The following NEBL variants were observed in gnomAD, a reference collection of about 807,000 sequenced individuals.
The protein encoded by NEBL is LIM and SH3 protein 2.
A neutral mutation model predicts 140.2 loss-of-function variants in NEBL; 122 were observed. That is an observed-to-expected ratio of 0.87 (90% CI 0.75 to 1.01). NEBL has a LOEUF of 1.01. Ranked by LOEUF, NEBL falls within the 50% of genes least tolerant of loss-of-function variation. NEBL has a pLI of 0.00. For synonymous variants in NEBL, 436 were observed against 398.9 expected, an observed-to-expected ratio of 1.09 and a Z score of -1.11; for missense variants, 1,365 against 1,231.3, an observed-to-expected ratio of 1.11 and a Z score of -1.62.
At chr10:21,050,520 G>T (rs1351380914) in intron 2 of NEBL, among the ~76,000 whole-genome samples, 1 of 152,176 alleles carries the variant, frequency 6.6e-6, no homozygotes, top group Non-Finnish European at 1.5e-5. Context: ...GCCTTTGTCT[G>T]CAAAGAAGCA....
chr10:20,869,015 G>A (rs1162832503), intron 6 of NEBL, among the ~76,000 whole-genome samples: 1 of 152,086 alleles, frequency 6.6e-6, no homozygotes, highest in East Asian at 1.9e-4. Context: ...CATCATGTTT[G>A]TAATTATATA....
chr10:21,062,350 C>T (rs981334059), intron 2 of NEBL, among the ~76,000 whole-genome samples: 1 of 151,830 alleles, frequency 6.6e-6, no homozygotes, highest in Admixed American at 6.6e-5. Flanking sequence ...TTATGTATGC[C>T]TAGGGGTGCT....
At chr10:20,830,722 G>C (rs909109379) in intron 16 of NEBL, among the ~76,000 whole-genome samples, 7 of 145,778 alleles carry the variant, frequency 4.8e-5, no homozygotes, top group African/African-American at 1.9e-4. Flanking sequence ...TGAGCCAAGT[G>C]TCCAATAGGG....
intron 1 of NEBL, among the ~76,000 whole-genome samples, chr10:21,255,812 A>G (rs1842651893): frequency 6.6e-6 from 1 of 151,992 alleles, no homozygotes; most frequent in East Asian, 2.0e-4. Flanking sequence ...CCTGGCCAAC[A>G]TGGTGAAACC....
intron 13 of NEBL, among the ~76,000 whole-genome samples, chr10:20,839,722 C>T (rs140830231): frequency 2.0e-5 from 3 of 152,258 alleles, no homozygotes; most frequent in African/African-American, 7.2e-5. Flanking sequence ...ACATTCTACT[C>T]CCCCAATCCC....
At chr10:21,016,042 T>C (rs184801552) in intron 3 of NEBL, among the ~76,000 whole-genome samples, 29 of 152,394 alleles carry the variant, frequency 1.9e-4, no homozygotes, top group Middle Eastern at 3.4e-3. Flanking sequence ...AGTTTTACTT[T>C]TGCTTCTTGT....
chr10:21,147,479 C>T (rs892880650), intron 2 of NEBL, among the ~76,000 whole-genome samples: 7 of 151,346 alleles, frequency 4.6e-5, no homozygotes, highest in Admixed American at 4.0e-4. Flanking sequence ...CCCACTCAGT[C>T]CTCAACCCAC....
At chr10:20,837,360 A>C (rs1841000118) in intron 13 of NEBL, among the ~76,000 whole-genome samples, 1 of 152,230 alleles carries the variant, frequency 6.6e-6, no homozygotes, top group African/African-American at 2.4e-5. Context: ...AAAACATTCC[A>C]GACACAACAT....
chr10:21,204,683 T>C (rs1026966780), intron 3 of NEBL, among the ~76,000 whole-genome samples: 1 of 152,176 alleles, frequency 6.6e-6, no homozygotes, highest in African/African-American at 2.4e-5. Context: ...TGATTCTCTT[T>C]TGTCCTGAGG....
chr10:21,087,169 A>C (rs7342117), intron 2 of NEBL, among the ~76,000 whole-genome samples: 5,135 of 152,290 alleles, frequency 0.034, 304 homozygotes, highest in African/African-American at 0.12. Context: ...GAACAGGGAA[A>C]GTTACTGTCT....
In NEBL at chr10:20,830,894, A is replaced by T. The variant is rs185977663; in HGVS notation, c.1671+302T>A. Among the ~76,000 whole-genome samples, 7 of 131,066 alleles carry T rather than the reference A, an allele frequency of 5.3e-5. No individual in the cohort carries two copies. The Admixed American group carries it at 5.8e-4, about 11-fold the overall frequency. The allele number at this position is 131,066 out of a possible 152,430, so 86.0% of individuals were successfully genotyped here. ...ATTCCAGCCTGGGTGAAAGAGTGAG[A>T]CCTCCATCTCTAAAATTTAAAAAAA... On this transcript the variant is annotated intron_variant, in intron 16 of 27. Coordinates refer to ENST00000377122, the MANE Select transcript of NEBL (RefSeq NM_006393.3).
At chr10:20,927,518 G>A (rs1833971360) in intron 4 of NEBL, among the ~76,000 whole-genome samples, 1 of 152,184 alleles carries the variant, frequency 6.6e-6, no homozygotes, top group Non-Finnish European at 1.5e-5. Context: ...ACTATAAACT[G>A]TGTATCCTCA....
At chr10:20,882,738 C>CA (rs201682188) in intron 4 of NEBL, among the ~76,000 whole-genome samples, 4,992 of 140,154 alleles carry the variant, frequency 0.036, 179 homozygotes, top group African/African-American at 0.099. Context: ...TCTTGTCATC[C>CA]AAAAAAAAAA....
intron 13 of NEBL, among the ~76,000 whole-genome samples, chr10:20,839,514 T>C (rs529811876): frequency 6.6e-6 from 1 of 152,292 alleles, no homozygotes; most frequent in African/African-American, 2.4e-5. Flanking sequence ...TTGGGAAGGA[T>C]TGATTTCCAT....
At chr10:20,964,369 G>A (rs1836192283) in intron 3 of NEBL, among the ~76,000 whole-genome samples, 3 of 152,142 alleles carry the variant, frequency 2.0e-5, no homozygotes, top group Admixed American at 1.3e-4. Flanking sequence ...GGTTTATTTG[G>A]CTTATGGTTC....
chr10:21,096,466 G>A (rs1366142854), intron 2 of NEBL, among the ~76,000 whole-genome samples: 2 of 151,162 alleles, frequency 1.3e-5, no homozygotes, highest in South Asian at 4.2e-4. Context: ...GTTTACACGG[G>A]CTTTAGAGCA....
At chr10:21,222,822 G>A (rs951330588) in intron 3 of NEBL, among the ~76,000 whole-genome samples, 1 of 152,142 alleles carries the variant, frequency 6.6e-6, no homozygotes, top group African/African-American at 2.4e-5. Flanking sequence ...GAATGCAATG[G>A]TGCGATCTCA....
intron 2 of NEBL, among the ~76,000 whole-genome samples, chr10:21,152,232 G>C (rs1032858314): frequency 3.9e-5 from 6 of 152,176 alleles, no homozygotes; most frequent in South Asian, 2.1e-4. Flanking sequence ...GTGCTCATCT[G>C]TCTGGCCACC....
chr10:21,045,677 C>A (rs2131840940), intron 2 of NEBL, among the ~76,000 whole-genome samples: 1 of 152,292 alleles, frequency 6.6e-6, no homozygotes, highest in South Asian at 2.1e-4. Context: ...AAAATCGCCT[C>A]ACACTTGTTA....
Sources: allele counts gnomAD v4.1 joint callset (sites outside exome capture counted in the v4.1 genomes callset), GRCh38; gene constraint gnomAD v4.1.1; transcripts MANE v1.5; gene names NCBI Gene and HGNC (gene_info 2026-07-23, HGNC 2026-07-21).